Variants in GOLGA6L6 observed in about 807,000 individuals in gnomAD.
GOLGA6L6 encodes golgin A6 family like 6 (gene/pseudogene).
GOLGA6L6 carries 12 observed loss-of-function variants against 75.6 expected under a neutral mutation model. The ratio of observed to expected loss-of-function variants is 0.16; its 90% CI spans 0.10 to 0.26. The LOEUF is 0.26. GOLGA6L6 is among the 10% of genes least tolerant of loss of function. The pLI is 1.00. For synonymous variants in GOLGA6L6, 38 were observed against 179.2 expected, an observed-to-expected ratio of 0.21 and a Z score of 6.29; for missense variants, 144 against 598.5, an observed-to-expected ratio of 0.24 and a Z score of 7.92.
At chr15:20,537,483 T>C (rs1890394296) in intron 5 of GOLGA6L6, among the ~76,000 whole-genome samples, 1 of 145,470 alleles carries the variant, frequency 6.9e-6, no homozygotes, top group Admixed American at 6.9e-5. Flanking sequence ...CTACCACTGT[T>C]CGAACCTTTC....
At position 20,538,730 on chromosome 15, in the gene GOLGA6L6, G is replaced by T. The variant is rs772916325; in HGVS notation, c.292-44C>A. ...AGAGCTCTTGCTAGGTGGAGGCAGA[G>T]ATGGCACAGCAAGAGACATGCCCCC... is the stretch of plus-strand genomic sequence containing the variant. On this transcript the variant is annotated intron_variant, in intron 2 of 8. Coordinates refer to ENST00000619213, the MANE Select transcript of GOLGA6L6 (RefSeq NM_001145004.2). The T allele has an allele frequency of 8.2e-6, 12 of 1,462,540 alleles. No individual in the cohort carries two copies. In the African/African-American group the frequency reaches 9.4e-5, roughly 11 times the overall value. 90.6% of individuals were successfully genotyped at this position (1,462,540 alleles called of 1,614,324 possible).
chr15:20,534,986 T>C lies in GOLGA6L6; in HGVS notation c.1448A>G (p.Glu483Gly). 1 of 1,482,094 alleles carries C rather than the reference T, an allele frequency of 6.7e-7. No homozygotes were observed. Among genetic ancestry groups the C allele is most frequent in the Non-Finnish European group, 9.1e-7 (1 of 1,103,138 alleles). 91.8% of individuals were successfully genotyped at this position (1,482,094 alleles called of 1,614,324 possible). Residue 483 changes from glutamate to glycine, a missense_variant, in exon 8 of 9, where the codon GAG (glutamate) becomes GGG (glycine). Glu to Gly is a moderately conservative substitution (Grantham distance 98). Transcript: ENST00000619213. Reference sequence around the variant, plus strand: ...CTCCTCCTGCCTCCACACCTTCTCCTCCTGCTTCCGTATCTTCTCCTCCTG... The same window carrying C: ...CTCCTCCTGCCTCCACACCTTCTCCCCCTGCTTCCGTATCTTCTCCTCCTG... ...HEQEEKIRKQ[E>G]EKVWRQEEKI... is the part of the protein sequence containing the mutation.
intron 5 of GOLGA6L6, among the ~76,000 whole-genome samples, chr15:20,537,532 T>TA (rs1890396025): frequency 6.8e-6 from 1 of 148,096 alleles, no homozygotes; most frequent in South Asian, 2.1e-4. Flanking sequence ...CAATCCCATT[T>TA]AATCCTCACA....
At chr15:20,537,466 G>A (rs1279562983) in intron 5 of GOLGA6L6, among the ~76,000 whole-genome samples, 36 of 144,196 alleles carry the variant, frequency 2.5e-4, no homozygotes, top group Non-Finnish European at 4.4e-4. Context: ...TGCTATTACT[G>A]TTAGTACTAC....
In GOLGA6L6 at chr15:20,532,438, T is replaced by G. The variant is rs1025670683; in HGVS notation, c.*1165A>C. The G allele has an allele frequency of 4.0e-5, 5 of 123,914 alleles. No individual in the cohort carries two copies. Among genetic ancestry groups the G allele is most frequent in the Non-Finnish European group, 6.9e-5 (4 of 58,082 alleles). 7.7% of individuals were successfully genotyped at this position (123,914 alleles called of 1,614,324 possible). On this transcript the variant is annotated 3_prime_UTR_variant, in exon 9 of 9. Transcript: ENST00000619213. The stretch of plus-strand genomic sequence containing the variant: ...GGGAAGCTGAGGCAGGAGAATTGCT[T>G]GAACCCAGGAGGCAGAGGTTACAGT...
intron 2 of GOLGA6L6, 54 bp from the exon 3 acceptor site, chr15:20,538,740 CAA>C: frequency 1.4e-6 from 2 of 1,435,428 alleles, no homozygotes; most frequent in Non-Finnish European, 1.9e-6. Flanking sequence ...GATGGCACAG[CAA>C]GAGACATGCC....
Position 20,534,545 on chromosome 15 carries a change from A to T in GOLGA6L6, c.1889T>A (p.Met630Lys). ...EEKMGEQEEK[M>K]CEQEEKMQEQ... is the part of the protein sequence containing the mutation. ...TTGCATCTTCTCTTCCTGCTCACAC[A>T]TCTTCTCCTCCTGCTCCCCCATCTT... Residue 630 changes from methionine to lysine, a missense_variant, in exon 8 of 9, where the codon ATG (methionine) becomes AAG (lysine). Transcript: ENST00000619213. 6.5e-7 allele frequency: 1 copy of T among 1,532,900 alleles called. No homozygotes were observed. The highest frequency in any genetic ancestry group is 8.8e-7 in the Non-Finnish European group (1 of 1,137,722). 95.0% of individuals were successfully genotyped at this position (1,532,900 alleles called of 1,614,324 possible).
In GOLGA6L6 at chr15:20,534,810, G is replaced by A. The variant is rs1438699537; in HGVS notation, c.1624C>T (p.Gln542Ter). 8.8e-7 allele frequency: 1 copy of A among 1,140,600 alleles called. No individual in the cohort carries two copies. Among genetic ancestry groups the A allele is most frequent in the Non-Finnish European group, 1.2e-6 (1 of 813,706 alleles). 70.7% of individuals were successfully genotyped at this position (1,140,600 alleles called of 1,614,324 possible). A position where few individuals can be genotyped will look rare whatever the true frequency, so the allele number is the denominator to read the frequency against. ...TCCTGCCTCCACATCTTATCCTCCT[G>A]CTCCTGCCTCTTCTCCTCCTCCCAT... ...KIWEEEKRQE[Q>*]EDKMWRQEEK... The change falls in exon 8 of 9, where the codon CAG (glutamine) becomes TAG (stop). Residue 542 changes from glutamine (Q) to a stop codon, truncating the protein, a stop_gained. Transcript: ENST00000619213. LOFTEE classifies it high-confidence loss of function.
At chr15:20,537,459 T>G (rs1215987918) in intron 5 of GOLGA6L6, among the ~76,000 whole-genome samples, 1 of 142,782 alleles carries the variant, frequency 7.0e-6, no homozygotes, top group Non-Finnish European at 1.5e-5. Flanking sequence ...TTGTTATTGC[T>G]ATTACTGTTA....
Position 20,532,515 on chromosome 15 carries a change from A to G in GOLGA6L6, c.*1088T>C, listed in dbSNP as rs1890240489. ...AGCCTGGGCAACAGCGCAATACTCCATCTCAAAAACAACAAAAAAAGGACA... is the reference window on the plus strand; with the variant it reads ...AGCCTGGGCAACAGCGCAATACTCCGTCTCAAAAACAACAAAAAAAGGACA... On this transcript the variant is annotated 3_prime_UTR_variant, in exon 9 of 9. Coordinates refer to ENST00000619213, the MANE Select transcript of GOLGA6L6 (RefSeq NM_001145004.2). The G allele has an allele frequency of 7.1e-6, 1 of 140,136 alleles. No individual in the cohort carries two copies. The highest frequency in any genetic ancestry group is 2.3e-4 in the South Asian group (1 of 4,394). 8.7% of individuals were successfully genotyped at this position (140,136 alleles called of 1,614,324 possible). A position where few individuals can be genotyped will look rare whatever the true frequency, so the allele number is the denominator to read the frequency against.
intron 2 of GOLGA6L6, 33 bp from the exon 3 acceptor site, chr15:20,538,719 G>GT: frequency 1.4e-6 from 2 of 1,471,144 alleles, no homozygotes; most frequent in South Asian, 2.3e-5. Context: ...CTCTTGCTAG[G>GT]TGGAGGCAGA....
rs1175212838 is a variant in GOLGA6L6, at chr15:20,534,480, T to G, written c.1954A>C (p.Arg652=). 21,969 of 1,157,580 alleles carry G rather than the reference T, an allele frequency of 0.019. 897 individuals carry two copies. Among genetic ancestry groups the G allele is most frequent in the East Asian group, 0.091 (1,737 of 19,118 alleles). The allele number at this position is 1,157,580 out of a possible 1,614,324, so 71.7% of individuals were successfully genotyped here. A position where few individuals can be genotyped will look rare whatever the true frequency, so the allele number is the denominator to read the frequency against. Reference sequence around the variant, plus strand: ...TCCCGTATCTTCTTCTCCTGCTCCCTTATCTTCTCCTCCTGCCTCCACATC... The same window carrying G: ...TCCCGTATCTTCTTCTCCTGCTCCCGTATCTTCTCCTCCTGCCTCCACATC... The part of the protein sequence containing the change: ...ETMWRQEEKI[R]EQEKKIREQE... Residue 652 remains arginine, a synonymous_variant, in exon 8 of 9, where the codon AGG becomes CGG. Transcript: ENST00000619213.
intron 1 of GOLGA6L6, among the ~76,000 whole-genome samples, 170 bp from the exon 2 acceptor site, chr15:20,540,071 G>GA (rs1017898869): frequency 6.5e-5 from 1 of 15,440 alleles, no homozygotes; most frequent in Non-Finnish European, 1.4e-4. Flanking sequence ...TACCATGGCT[G>GA]AAAAAAAAGG....
intron 2 of GOLGA6L6, 61 bp from the exon 3 acceptor site, chr15:20,538,747 C>T: frequency 7.1e-7 from 1 of 1,407,850 alleles, no homozygotes; most frequent in Non-Finnish European, 9.7e-7. Context: ...CAGCAAGAGA[C>T]ATGCCCCCAG....
At chr15:20,534,119 G>A (rs1890273253) in intron 8 of GOLGA6L6, 140 bp downstream of exon 8, 1 of 470,624 alleles carries the variant, frequency 2.1e-6, no homozygotes, top group Non-Finnish European at 3.5e-6. Context: ...AGCAGAGGGA[G>A]CCAACCACCA....
intron 5 of GOLGA6L6, among the ~76,000 whole-genome samples, chr15:20,537,597 G>A (rs1339138079): frequency 7.4e-5 from 11 of 147,652 alleles, no homozygotes; most frequent in African/African-American, 2.3e-4. Flanking sequence ...TGAAAAACAT[G>A]CGGTATTAAA....
chr15:20,534,507 TCTC>T lies in GOLGA6L6; in HGVS notation c.1924_1926del (p.Glu642del). 6.6e-7 allele frequency: 1 copy of T among 1,512,250 alleles called. No individual in the cohort carries two copies. The highest frequency in any genetic ancestry group is 1.5e-5 in the African/African-American group (1 of 67,762). The allele number at this position is 1,512,250 out of a possible 1,614,324, so 93.7% of individuals were successfully genotyped here. ...ATCTTCTCCTCCTGCCTCCACATCG[TCTC>T]CTCCTGTTCTTGCATCTTCTCTTCC... On this transcript the variant is annotated inframe_deletion, in exon 8 of 9. Transcript: ENST00000619213.
In GOLGA6L6 at chr15:20,534,995, C is replaced by T. The variant is rs551293808; in HGVS notation, c.1439G>A (p.Arg480Gln). Residue 480 changes from arginine (R) to glutamine (Q), a missense_variant, in exon 8 of 9, where the codon CGG (arginine) becomes CAG (glutamine). Coordinates refer to ENST00000619213, the MANE Select transcript of GOLGA6L6 (RefSeq NM_001145004.2). ...CCTCCACACCTTCTCCTCCTGCTTC[C>T]GTATCTTCTCCTCCTGCTCGTGCAT... ...EKMHEQEEKI[R>Q]KQEEKVWRQE... 7.5e-5 allele frequency: 108 copies of T among 1,448,086 alleles called. No individual in the cohort carries two copies. Among genetic ancestry groups the T allele is most frequent in the Admixed American group, 5.0e-4 (22 of 43,818 alleles). 89.7% of individuals were successfully genotyped at this position (1,448,086 alleles called of 1,614,324 possible).
intron 7 of GOLGA6L6, 150 bp from the exon 8 acceptor site, chr15:20,535,839 A>G: frequency 2.7e-6 from 1 of 370,740 alleles, no homozygotes; most frequent in Non-Finnish European, 4.8e-6. Context: ...CGAGGTCAGG[A>G]GATCGAGACC....
Sources: gnomAD v4.1 joint callset for allele counts (sites outside exome capture counted in the v4.1 genomes callset) on GRCh38, gnomAD v4.1.1 for gene constraint, MANE v1.5 for transcripts, NCBI Gene and HGNC (gene_info 2026-07-23, HGNC 2026-07-21) for gene names.